Variants in XKR9 observed in about 807,000 individuals in gnomAD.
XKR9 encodes XK-related protein 9.
A neutral mutation model predicts 32.0 loss-of-function variants in XKR9; 32 were observed. The observed-to-expected ratio is 1.00, with a 90% CI of 0.76 to 1.34. The LOEUF (loss-of-function observed/expected upper bound fraction) is 1.34. XKR9 is among the 40% of genes most tolerant of loss of function. The probability of loss-of-function intolerance (pLI) is 0.00; values close to 1 mark genes in which losing one functional copy is unlikely to be tolerated. For synonymous variants in XKR9, 168 were observed against 143.4 expected, an observed-to-expected ratio of 1.17 and a Z score of -1.22; for missense variants, 546 against 429.7, an observed-to-expected ratio of 1.27 and a Z score of -2.39.
chr8:70,910,406 G>A, the XKR9 span, among the ~76,000 whole-genome samples: 1 of 152,050 alleles, frequency 6.6e-6, no homozygotes, highest in South Asian at 2.1e-4. Flanking sequence ...TTGGGGATAT[G>A]GGCTCCAGTT....
chr8:70,917,194 C>A, the XKR9 span, among the ~76,000 whole-genome samples: 1 of 152,256 alleles, frequency 6.6e-6, no homozygotes, highest in South Asian at 2.1e-4. Flanking sequence ...CTTCCCAGAT[C>A]CTTGGCTGGT....
At chr8:71,059,528 C>T in the XKR9 span, among the ~76,000 whole-genome samples, 1 of 152,196 alleles carries the variant, frequency 6.6e-6, no homozygotes, top group Non-Finnish European at 1.5e-5. Context: ...GTGACAAATG[C>T]CTGCAGAGAA....
the XKR9 span, among the ~76,000 whole-genome samples, chr8:70,901,285 A>T: frequency 6.6e-6 from 1 of 152,174 alleles, no homozygotes. Context: ...ACAGTGTTAA[A>T]GTGTTCCTAT....
At chr8:70,966,415 T>C in the XKR9 span, among the ~76,000 whole-genome samples, 1 of 152,084 alleles carries the variant, frequency 6.6e-6, no homozygotes, top group Middle Eastern at 3.2e-3. Context: ...GCCCAGCTAA[T>C]TTTTTTCTTT....
intron 2 of XKR9, among the ~76,000 whole-genome samples, chr8:70,764,132 ATTCTT>A (rs1807343611): frequency 1.3e-5 from 2 of 152,148 alleles, no homozygotes; most frequent in Admixed American, 1.3e-4. Context: ...GGATCTTCTC[ATTCTT>A]TTCTTAGGGA....
Position 70,755,055 on chromosome 8 carries a change from A to G in XKR9, n.353-34284A>G, listed in dbSNP as rs1437229096. Among the ~76,000 whole-genome samples the G allele has an allele frequency of 4.6e-5, 7 of 152,196 alleles. No individual in the cohort carries two copies. In the South Asian group the frequency reaches 1.4e-3, roughly 31 times the overall value. ...TATCCAGAATCTACAATGAACTCAAACAAATTTACAAGAAAAAAACAACCC... is the reference window on the plus strand; with the variant it reads ...TATCCAGAATCTACAATGAACTCAAGCAAATTTACAAGAAAAAAACAACCC... On this transcript the variant is annotated intron_variant and non_coding_transcript_variant, in intron 2 of 3. Transcript: ENST00000520273.
chr8:70,768,414 G>A (rs1242043321), intron 2 of XKR9, among the ~76,000 whole-genome samples: 1 of 152,200 alleles, frequency 6.6e-6, no homozygotes, highest in Non-Finnish European at 1.5e-5. Context: ...GGGGTGGAGA[G>A]TTCTGTAGAT....
At chr8:71,010,909 C>T in the XKR9 span, among the ~76,000 whole-genome samples, 3 of 152,194 alleles carry the variant, frequency 2.0e-5, no homozygotes, top group Admixed American at 2.0e-4. Context: ...CATCCTAGGG[C>T]GATTCCAGGG....
At position 70,735,609 on chromosome 8, in the gene XKR9, C is replaced by G; in HGVS notation, c.*1185C>G. ...GGTATATCTCCTAAAGCTATCCCTC[C>G]CCCCTCCCCCCACCCCACAACAGTC... On this transcript the variant is annotated 3_prime_UTR_variant, in exon 5 of 5. Transcript: ENST00000408926. The G allele has an allele frequency of 9.4e-6, 1 of 105,842 alleles. No individual in the cohort carries two copies. The highest frequency in any genetic ancestry group is 1.8e-5 in the Non-Finnish European group (1 of 55,196). 6.6% of individuals were successfully genotyped at this position (105,842 alleles called of 1,614,324 possible). A position where few individuals can be genotyped will look rare whatever the true frequency, so the allele number is the denominator to read the frequency against.
chr8:70,978,267 TA>T, the XKR9 span, among the ~76,000 whole-genome samples: 4 of 152,220 alleles, frequency 2.6e-5, no homozygotes, highest in East Asian at 5.8e-4. Flanking sequence ...GTGAATTTGA[TA>T]CTGCCATTAT....
At chr8:70,916,882 C>A in the XKR9 span, among the ~76,000 whole-genome samples, 1 of 149,398 alleles carries the variant, frequency 6.7e-6, no homozygotes, top group African/African-American at 2.5e-5. Flanking sequence ...TTTTTTTTTA[C>A]ATCTTTCATG....
chr8:70,740,570 T>A (rs112574767), downstream of XKR9, among the ~76,000 whole-genome samples: 15,992 of 123,094 alleles, frequency 0.13, 968 homozygotes, highest in Middle Eastern at 0.19. Context: ...GTTTTTCTGC[T>A]CTGTTTTTTT....
At chr8:70,723,106 T>C (rs985841685) in intron 4 of XKR9, among the ~76,000 whole-genome samples, 1 of 152,110 alleles carries the variant, frequency 6.6e-6, no homozygotes, top group Non-Finnish European at 1.5e-5. Flanking sequence ...GATACTTGTG[T>C]ATGCTGCATG....
chr8:70,756,419 A>T (rs1016317249), intron 2 of XKR9, among the ~76,000 whole-genome samples: 7 of 152,202 alleles, frequency 4.6e-5, no homozygotes, highest in Non-Finnish European at 1.0e-4. Context: ...TAGGATTCTG[A>T]TAGGGCTTGC....
At chr8:70,955,737 G>T in the XKR9 span, among the ~76,000 whole-genome samples, 1 of 152,322 alleles carries the variant, frequency 6.6e-6, no homozygotes, top group South Asian at 2.1e-4. Context: ...TAACACACCT[G>T]CCAAGGGCAG....
chr8:70,890,204 G>T, the XKR9 span, among the ~76,000 whole-genome samples: 1 of 151,856 alleles, frequency 6.6e-6, no homozygotes, highest in Non-Finnish European at 1.5e-5. Context: ...ATGTTTGTTG[G>T]GGTGTAGCTT....
Position 70,700,884 on chromosome 8 carries a change from C to T in XKR9, c.273-6049C>T, listed in dbSNP as rs1256349207. Among the ~76,000 whole-genome samples, 3 of 152,218 alleles carry T rather than the reference C, an allele frequency of 2.0e-5. No individual in the cohort carries two copies. In the East Asian group the frequency reaches 5.8e-4, roughly 29 times the overall value. On this transcript the variant is annotated intron_variant, in intron 3 of 4. Transcript: ENST00000408926. ...CTTTGTTTACCTGAGCAAGCCTGGG[C>T]AATGGTGGGCACCCCTCCCCCAGCC... is the stretch of plus-strand genomic sequence containing the variant.
At chr8:71,013,155 T>C in the XKR9 span, among the ~76,000 whole-genome samples, 10 of 152,118 alleles carry the variant, frequency 6.6e-5, no homozygotes, top group East Asian at 1.9e-3. Context: ...GAGCAGAAGC[T>C]GCCTAAGAAG....
intron 3 of XKR9, among the ~76,000 whole-genome samples, chr8:70,682,881 A>G (rs567274781): frequency 1.1e-4 from 16 of 152,206 alleles, no homozygotes; most frequent in Non-Finnish European, 2.2e-4. Context: ...TCTAAAACCT[A>G]GCTTAAACAT....
Sources: gnomAD v4.1 joint callset for allele counts (sites outside exome capture counted in the v4.1 genomes callset) on GRCh38, gnomAD v4.1.1 for gene constraint, MANE v1.5 for transcripts, NCBI Gene and HGNC (gene_info 2026-07-23, HGNC 2026-07-21) for gene names.